The following ADGRD1 variants were observed in gnomAD, a reference collection of about 807,000 sequenced individuals.
The protein encoded by ADGRD1 is adhesion G protein-coupled receptor D1.
In ADGRD1, 77 loss-of-function variants were observed where a neutral mutation model predicts 113.4. The observed-to-expected ratio is 0.68, with a 90% CI of 0.57 to 0.82. The LOEUF (loss-of-function observed/expected upper bound fraction) is 0.82, where lower values mean the gene tolerates loss of function less well. Among genes scored for constraint, ADGRD1 ranks in the 40% least tolerant of loss-of-function variants. The probability of loss-of-function intolerance (pLI) is 0.00; values close to 1 mark genes in which losing one functional copy is unlikely to be tolerated. For synonymous variants in ADGRD1, 474 were observed against 475.0 expected (o/e 1.00, Z 0.03); for missense variants, 1,036 against 1,139.1 (o/e 0.91, Z 1.30).
In ADGRD1 at chr12:131,041,897, AG is replaced by A. The variant is rs146509662; in HGVS notation, c.1473+27560del. On this transcript the variant is annotated intron_variant, in intron 13 of 24. Transcript: ENST00000261654. This position sits in a 1 kb window ranked among gnomAD's most constrained non-coding sequence, Gnocchi z 4.4. ...GCCACTGCTGACATTGACATGACCT[AG>A]GGTTCCTTTGCAGTCGGGTTTGTTA... 4.0e-3 allele frequency among the ~76,000 whole-genome samples: 603 copies of A among 152,206 alleles called. 3 individuals are homozygous for A. Among genetic ancestry groups the A allele is most frequent in the African/African-American group, 0.014 (581 of 41,514 alleles).
chr12:131,094,967 C>A (rs1456410395), intron 15 of ADGRD1, among the ~76,000 whole-genome samples: 1 of 152,148 alleles, frequency 6.6e-6, no homozygotes, highest in Admixed American at 6.5e-5. Context: ...CCCTACCCAC[C>A]CCTTCCCATG....
chr12:131,119,237 A>G (rs915644314), intron 19 of ADGRD1, among the ~76,000 whole-genome samples: 2 of 152,270 alleles, frequency 1.3e-5, no homozygotes, highest in Non-Finnish European at 2.9e-5. Flanking sequence ...TCAGAATGAG[A>G]TAATAGTACA....
At chr12:131,074,198 T>C (rs1268205146) in intron 13 of ADGRD1, among the ~76,000 whole-genome samples, 1 of 152,100 alleles carries the variant, frequency 6.6e-6, no homozygotes, top group Admixed American at 6.5e-5. Context: ...GGAAAGATCA[T>C]GATGGTTGTT....
At chr12:130,976,354 G>A (rs147378897) in intron 4 of ADGRD1, among the ~76,000 whole-genome samples, 2 of 152,286 alleles carry the variant, frequency 1.3e-5, no homozygotes, top group East Asian at 3.9e-4. Flanking sequence ...GATGCAAGAT[G>A]AGCCTGAGCT....
chr12:131,042,249 C>T (rs1383519983), intron 13 of ADGRD1, among the ~76,000 whole-genome samples: 1 of 152,218 alleles, frequency 6.6e-6, no homozygotes, highest in African/African-American at 2.4e-5. Context: ...CCCAGCCCTT[C>T]CATGGGGCCA....
chr12:131,032,390 G>A (rs1177978354), intron 13 of ADGRD1, among the ~76,000 whole-genome samples: 1 of 152,250 alleles, frequency 6.6e-6, no homozygotes, highest in Non-Finnish European at 1.5e-5. Flanking sequence ...ATTCAGCGTA[G>A]TAGGAGGTTT....
intron 8 of ADGRD1, 139 bp downstream of exon 8, chr12:130,992,531 G>C (rs1242641077): frequency 2.8e-6 from 2 of 716,396 alleles, no homozygotes; most frequent in Non-Finnish European, 2.3e-6. Context: ...GGCTTCTCAT[G>C]AACAACCAGC....
intron 12 of ADGRD1, 60 bp downstream of exon 12, chr12:131,006,107 G>A (rs1877078241): frequency 2.8e-6 from 4 of 1,420,726 alleles, no homozygotes; most frequent in Non-Finnish European, 4.0e-6. Flanking sequence ...CTGGGTGGCT[G>A]GCCACAGGGA....
At chr12:131,079,653 T>C (rs1466355889) in intron 14 of ADGRD1, among the ~76,000 whole-genome samples, 1 of 152,226 alleles carries the variant, frequency 6.6e-6, no homozygotes, top group Non-Finnish European at 1.5e-5. Context: ...GTTTCTTTTA[T>C]GGATGCAGGA....
chr12:131,107,350 C>T (rs34175009), intron 17 of ADGRD1, among the ~76,000 whole-genome samples: 2 of 151,422 alleles, frequency 1.3e-5, no homozygotes, highest in African/African-American at 4.9e-5. Context: ...TGGCTAAATC[C>T]CAGGGAAGGG....
chr12:131,014,193 C>A lies in ADGRD1; in HGVS notation c.1332-6C>A. ...CATTTTGTAATGATTTCCGTCTCTT[C>A]CCAAGGATCGCGGAGGCCATGCATC... On this transcript the variant is annotated splice_polypyrimidine_tract_variant and splice_region_variant and intron_variant, in intron 12 of 24. Transcript: ENST00000261654. 1 of 1,613,284 alleles carries A rather than the reference C, an allele frequency of 6.2e-7. No individual in the cohort carries two copies. Among genetic ancestry groups the A allele is most frequent in the Non-Finnish European group, 8.5e-7 (1 of 1,179,546 alleles).
chr12:130,962,781 A>G (rs1406892914), intron 2 of ADGRD1: 2 of 152,196 alleles, frequency 1.3e-5, no homozygotes, highest in African/African-American at 2.4e-5. Flanking sequence ...CTCATATTAC[A>G]GAGTTAACTT....
At chr12:131,004,412 C>T (rs1026348194) in intron 11 of ADGRD1, 116 bp downstream of exon 11, 13 of 797,824 alleles carry the variant, frequency 1.6e-5, no homozygotes, top group Admixed American at 1.3e-4. Context: ...TCCCCCGGGC[C>T]GCCTGCGGTG....
chr12:131,031,873 C>T (rs1880797857), intron 13 of ADGRD1, among the ~76,000 whole-genome samples: 1 of 152,244 alleles, frequency 6.6e-6, no homozygotes, highest in South Asian at 2.1e-4. Context: ...TGCCTCGTCC[C>T]CGCACATGCC....
At chr12:131,045,527 C>CGG (rs1882607407) in intron 13 of ADGRD1, among the ~76,000 whole-genome samples, 1 of 151,914 alleles carries the variant, frequency 6.6e-6, no homozygotes, top group Admixed American at 6.5e-5. Flanking sequence ...CCCCGCCTCC[C>CGG]TGCCCGGGCA....
At position 131,064,857 on chromosome 12, in the gene ADGRD1, C is replaced by T. The variant is rs553578842; in HGVS notation, c.1474-11944C>T. Among the ~76,000 whole-genome samples, 96 of 152,284 alleles carry T rather than the reference C, an allele frequency of 6.3e-4. No individual in the cohort carries two copies. In the South Asian group the frequency reaches 0.018, roughly 28 times the overall value. ...CAGTGAATCCTCAAGTGCTGAGATG[C>T]TCCTTTTGGGTACACTGGTCTGGGT... On this transcript the variant is annotated intron_variant, in intron 13 of 24. Transcript: ENST00000261654.
chr12:131,011,710 GC>G (rs1321268167), intron 12 of ADGRD1, among the ~76,000 whole-genome samples: 6 of 152,244 alleles, frequency 3.9e-5, no homozygotes, highest in Non-Finnish European at 5.9e-5. Flanking sequence ...TTCTGTTCTG[GC>G]TAATGGCACA....
At chr12:130,979,563 C>T (rs992768447) in intron 4 of ADGRD1, among the ~76,000 whole-genome samples, 1 of 152,142 alleles carries the variant, frequency 6.6e-6, no homozygotes, top group South Asian at 2.1e-4. Flanking sequence ...TGTCCATAAC[C>T]TCATGTGAAG....
intron 2 of ADGRD1, among the ~76,000 whole-genome samples, chr12:130,955,060 A>C (rs971181381): frequency 6.6e-6 from 1 of 150,520 alleles, no homozygotes; most frequent in Admixed American, 6.6e-5. Context: ...CCCGGGTTCA[A>C]GCAATTCTCC....
Sources: allele counts gnomAD v4.1 joint callset (sites outside exome capture counted in the v4.1 genomes callset), GRCh38; gene constraint gnomAD v4.1.1; non-coding constraint Gnocchi (gnomAD v3.1); transcripts MANE v1.5; gene names NCBI Gene and HGNC (gene_info 2026-07-23, HGNC 2026-07-21).